TLN2: variants seen among roughly 807,000 people sequenced by gnomAD.
The protein encoded by TLN2 is talin 2.
In TLN2, 118 loss-of-function variants were observed where a neutral mutation model predicts 294.7. The ratio of observed to expected loss-of-function variants is 0.40; its 90% CI spans 0.34 to 0.47. TLN2 has a LOEUF of 0.47. TLN2 is among the 20% of genes least tolerant of loss of function. The pLI, the probability that TLN2 is intolerant of heterozygous loss-of-function variation, is 0.84. For missense variants in TLN2, 3,083 were observed against 3,282.2 expected, an observed-to-expected ratio of 0.94 and a Z score of 1.48; for synonymous variants, 1,431 against 1,304.5, an observed-to-expected ratio of 1.10 and a Z score of -2.09.
intron 5 of TLN2, among the ~76,000 whole-genome samples, chr15:62,651,255 GATGGTTTTCAGTAATTGTAAGGCATAAGT>G (rs1445948906): frequency 1.3e-5 from 2 of 152,126 alleles, no homozygotes; most frequent in African/African-American, 2.4e-5. Flanking sequence ...TTTCACTGAG[GATGGTTTTCAGTAATTGTAAGGCATAAGT>G]ATGACTTCTT....
chr15:62,639,385 T>C (rs1398879415), intron 3 of TLN2, among the ~76,000 whole-genome samples: 7 of 152,196 alleles, frequency 4.6e-5, no homozygotes, highest in Admixed American at 4.6e-4. Flanking sequence ...GAATTCTTAC[T>C]GACCTGTGTG....
Position 62,717,658 on chromosome 15 carries a change from C to A in TLN2, c.2846C>A (p.Ala949Glu). The change falls in exon 24 of 59, where the codon GCG (alanine) becomes GAG (glutamate). Residue 949 changes from alanine to glutamate, a missense_variant. By Grantham distance (107) the Ala-to-Glu change is moderately radical. Coordinates refer to ENST00000636159, the MANE Select transcript of TLN2 (RefSeq NM_015059.3). ...GCAGCTGTTTCCAACAAGAACCCTGCGGCCCAGCAGCAGCTGGTCCAGAGT... is the reference window on the plus strand; with the variant it reads ...GCAGCTGTTTCCAACAAGAACCCTGAGGCCCAGCAGCAGCTGGTCCAGAGT... Reference protein sequence around the residue: ...QNAAVSNKNPAAQQQLVQSCK... With the variant: ...QNAAVSNKNPEAQQQLVQSCK... The A allele has an allele frequency of 6.2e-7, 1 of 1,601,574 alleles. No individual in the cohort carries two copies. Among genetic ancestry groups the A allele is most frequent in the East Asian group, 2.3e-5 (1 of 44,352 alleles).
intron 42 of TLN2, among the ~76,000 whole-genome samples, chr15:62,774,031 C>T (rs1486399904): frequency 1.3e-5 from 2 of 152,112 alleles, no homozygotes; most frequent in Admixed American, 1.3e-4. Context: ...CCGCCCAATT[C>T]CCTTCTGCGG....
Position 62,542,855 on chromosome 15 carries a change from A to G in TLN2, c.-237-46832A>G, listed in dbSNP as rs140537932. On this transcript the variant is annotated intron_variant, in intron 1 of 58. Transcript: ENST00000636159. The stretch of plus-strand genomic sequence containing the variant: ...GAATGAACGCCACATCAACCATAGA[A>G]GAGCCAGCAACTTTGACCCAGGATT... Among the ~76,000 whole-genome samples, 248 of 152,166 alleles carry G rather than the reference A, an allele frequency of 1.6e-3. 3 individuals carry two copies. The highest frequency in any genetic ancestry group is 5.8e-3 in the African/African-American group (240 of 41,536).
chr15:62,503,796 C>G (rs1567037755), intron 1 of TLN2, among the ~76,000 whole-genome samples: 1 of 152,176 alleles, frequency 6.6e-6, no homozygotes, highest in East Asian at 1.9e-4. Context: ...GTCAGAGAAC[C>G]TGGAAGCCTC....
chr15:62,614,536 C>T (rs1487491721), intron 2 of TLN2, among the ~76,000 whole-genome samples: 2 of 152,164 alleles, frequency 1.3e-5, no homozygotes, highest in Admixed American at 6.5e-5. Flanking sequence ...TTCCTTCTTT[C>T]TATCCCGCCA....
intron 28 of TLN2, among the ~76,000 whole-genome samples, chr15:62,732,771 G>A (rs2060800720): frequency 6.6e-6 from 1 of 152,230 alleles, no homozygotes; most frequent in East Asian, 1.9e-4. Flanking sequence ...AGTTGGTGGA[G>A]ATGGTAACAT....
intron 1 of TLN2, among the ~76,000 whole-genome samples, chr15:62,570,742 C>G (rs527602890): frequency 8.5e-5 from 13 of 152,214 alleles, no homozygotes; most frequent in Admixed American, 3.9e-4. Flanking sequence ...CAGTAGCACT[C>G]GGCCCCAGTG....
intron 1 of TLN2, among the ~76,000 whole-genome samples, chr15:62,462,336 G>A (rs1030263111): frequency 6.6e-6 from 1 of 152,242 alleles, no homozygotes; most frequent in Non-Finnish European, 1.5e-5. Flanking sequence ...AAGCCCCCAG[G>A]AGAGGACCAG....
At chr15:62,573,133 C>A (rs2044047103) in intron 1 of TLN2, among the ~76,000 whole-genome samples, 1 of 152,186 alleles carries the variant, frequency 6.6e-6, no homozygotes, top group African/African-American at 2.4e-5. Context: ...ACATCCTGAG[C>A]CAGGTGTGGT....
chr15:62,697,685 C>T lies in TLN2; in HGVS notation c.1293-3C>T, dbSNP rs751118806. 12 of 1,590,494 alleles carry T rather than the reference C, an allele frequency of 7.5e-6. No individual in the cohort carries two copies. Reference sequence around the variant, plus strand: ...TCAGTGACCAAACCACTTTTCCCGGCAGGTCCACCATCTTGCAGCAGCAGT... The same window carrying T: ...TCAGTGACCAAACCACTTTTCCCGGTAGGTCCACCATCTTGCAGCAGCAGT... On this transcript the variant is annotated splice_polypyrimidine_tract_variant and splice_region_variant and intron_variant, in intron 14 of 58. Transcript: ENST00000636159.
chr15:62,483,122 G>T (rs2038199964), intron 1 of TLN2, among the ~76,000 whole-genome samples: 1 of 152,148 alleles, frequency 6.6e-6, no homozygotes, highest in Non-Finnish European at 1.5e-5. Context: ...GGTCATCCTG[G>T]TCTGTCTGCA....
intron 46 of TLN2, among the ~76,000 whole-genome samples, chr15:62,793,717 A>T (rs1289987274): frequency 6.6e-6 from 1 of 151,946 alleles, no homozygotes; most frequent in Non-Finnish European, 1.5e-5. Flanking sequence ...ATCATTTTTC[A>T]GGTCAGCTGT....
intron 1 of TLN2, among the ~76,000 whole-genome samples, chr15:62,582,369 A>G (rs1219255141): frequency 1.3e-5 from 2 of 152,170 alleles, no homozygotes; most frequent in Admixed American, 6.5e-5. Flanking sequence ...TAATGTGTAT[A>G]AGAAACTGCT....
At chr15:62,813,969 C>G (rs1242662850) in intron 52 of TLN2, among the ~76,000 whole-genome samples, 1 of 152,150 alleles carries the variant, frequency 6.6e-6, no homozygotes, top group Non-Finnish European at 1.5e-5. Context: ...CACGAGCTAC[C>G]AGGCCTAGCT....
At chr15:62,826,335 C>A (rs530728581) in intron 54 of TLN2, among the ~76,000 whole-genome samples, 17 of 152,278 alleles carry the variant, frequency 1.1e-4, no homozygotes, top group African/African-American at 3.9e-4. Context: ...AGGTGCGGAC[C>A]TTTTCCAGCA....
At chr15:62,616,639 C>T (rs2048335980) in intron 2 of TLN2, among the ~76,000 whole-genome samples, 1 of 152,302 alleles carries the variant, frequency 6.6e-6, no homozygotes, top group East Asian at 1.9e-4. Context: ...GTAGCCTAGG[C>T]TCCTAGTCAT....
intron 9 of TLN2, among the ~76,000 whole-genome samples, chr15:62,673,096 G>GTGTGTGTGTGTGTGTGTC (rs1243457415): frequency 6.6e-6 from 1 of 151,718 alleles, no homozygotes; most frequent in South Asian, 2.1e-4. Flanking sequence ...GTGTGTGTGT[G>GTGTGTGTGTGTGTGTGTC]TGTCTGTGTA....
At chr15:62,423,773 T>C (rs1325977526) in intron 1 of TLN2, among the ~76,000 whole-genome samples, 1 of 152,050 alleles carries the variant, frequency 6.6e-6, no homozygotes, top group Non-Finnish European at 1.5e-5. Flanking sequence ...AGAGACTGGG[T>C]TTCTCCATGT....
Sources: gnomAD v4.1 joint callset for allele counts (sites outside exome capture counted in the v4.1 genomes callset) on GRCh38, gnomAD v4.1.1 for gene constraint, MANE v1.5 for transcripts, NCBI Gene and HGNC (gene_info 2026-07-23, HGNC 2026-07-21) for gene names.